LMLN: variants seen among roughly 807,000 people sequenced by gnomAD.
The protein encoded by LMLN is leishmanolysin like peptidase, also known as leishmanolysin-like peptidase.
A neutral mutation model predicts 92.3 loss-of-function variants in LMLN; 70 were observed. The observed-to-expected ratio is 0.76, with a 90% CI of 0.63 to 0.92. LMLN has a LOEUF of 0.92. LMLN is among the 40% of genes least tolerant of loss of function. The probability of loss-of-function intolerance (pLI) is 0.00; values close to 1 mark genes in which losing one functional copy is unlikely to be tolerated. For synonymous variants in LMLN, 308 were observed against 296.2 expected (o/e 1.04, Z -0.41); for missense variants, 691 against 814.6 (o/e 0.85, Z 1.85).
At chr3:198,032,046 G>C (rs1238901358) in intron 14 of LMLN, among the ~76,000 whole-genome samples, 2 of 150,586 alleles carry the variant, frequency 1.3e-5, no homozygotes, top group Non-Finnish European at 2.9e-5. Context: ...AGGTTGCAGT[G>C]AGCTGAGATG....
intron 1 of LMLN, among the ~76,000 whole-genome samples, chr3:197,973,297 A>C (rs1409995058): frequency 6.7e-6 from 1 of 149,936 alleles, no homozygotes; most frequent in Non-Finnish European, 1.5e-5. Context: ...GCTGGAGTGC[A>C]GTGACAAAAT....
At position 198,019,259 on chromosome 3, in the gene LMLN, G is replaced by A; in HGVS notation, c.1239G>A (p.Gln413=). 1 of 1,611,954 alleles carries A rather than the reference G, an allele frequency of 6.2e-7. No homozygotes were observed. The highest frequency in any genetic ancestry group is 1.7e-5 in the Admixed American group (1 of 59,220). The change falls in exon 12 of 16, where the codon CAG becomes CAA. Residue 413 remains glutamine (Q), a synonymous_variant. Coordinates refer to ENST00000330198, the Ensembl canonical transcript of LMLN. This position sits in a 1 kb window ranked among gnomAD's most constrained non-coding sequence, Gnocchi z 5.5. The stretch of plus-strand genomic sequence containing the variant: ...TACTTCTCTTTGTTTGCAGGAGACA[G>A]ATGCTGAGCCCTTACTGTGACACGC...
intron 11 of LMLN, among the ~76,000 whole-genome samples, chr3:198,001,009 T>C (rs1722157798): frequency 6.6e-6 from 1 of 152,230 alleles, no homozygotes; most frequent in Non-Finnish European, 1.5e-5. Context: ...TCACTAATAC[T>C]CAGAAACTCT....
At chr3:198,010,991 G>C (rs1464399127) in intron 11 of LMLN, among the ~76,000 whole-genome samples, 3 of 151,934 alleles carry the variant, frequency 2.0e-5, no homozygotes, top group Non-Finnish European at 4.4e-5. Flanking sequence ...ACAAATATTT[G>C]GAAATTTTTC....
At chr3:197,975,345 G>A (rs1418757187) in intron 3 of LMLN, among the ~76,000 whole-genome samples, 1 of 150,758 alleles carries the variant, frequency 6.6e-6, no homozygotes, top group African/African-American at 2.5e-5. Context: ...AGCAAATCAT[G>A]CAGAGAATAG....
chr3:197,994,481 A>G (rs1721963223), intron 9 of LMLN: 1 of 152,232 alleles, frequency 6.6e-6, no homozygotes, highest in African/African-American at 2.4e-5. Flanking sequence ...AAGACATGCA[A>G]ATTGTGAACA....
At chr3:197,989,263 T>G (rs1721800282) in intron 8 of LMLN, among the ~76,000 whole-genome samples, 1 of 152,192 alleles carries the variant, frequency 6.6e-6, no homozygotes, top group Admixed American at 6.5e-5. Flanking sequence ...AAATGCTTTC[T>G]GCATTGCTAT....
At chr3:197,982,900 C>T (rs1286515792) in intron 6 of LMLN, among the ~76,000 whole-genome samples, 1 of 152,176 alleles carries the variant, frequency 6.6e-6, no homozygotes, top group South Asian at 2.1e-4. Flanking sequence ...CTTGTGAAGG[C>T]AGAAGCCATG....
chr3:197,981,269 G>C (rs1721550621), intron 6 of LMLN, among the ~76,000 whole-genome samples: 1 of 152,052 alleles, frequency 6.6e-6, no homozygotes, highest in Non-Finnish European at 1.5e-5. Flanking sequence ...CTGCTCAGGA[G>C]GCTGAGGTGG....
intron 3 of LMLN, 41 bp downstream of exon 3, chr3:197,975,113 A>G (rs1721333092): frequency 1.8e-6 from 2 of 1,095,548 alleles, no homozygotes; most frequent in Admixed American, 2.1e-5. Flanking sequence ...GACACTTAAA[A>G]TTTTATTGCA....
chr3:197,989,442 C>CT (rs1334739439), intron 8 of LMLN, among the ~76,000 whole-genome samples: 1 of 151,926 alleles, frequency 6.6e-6, no homozygotes, highest in Non-Finnish European at 1.5e-5. Context: ...GGGATTTAAC[C>CT]TTTTTTTTCT....
chr3:197,973,174 G>C (rs992607863), intron 1 of LMLN, among the ~76,000 whole-genome samples: 9 of 151,982 alleles, frequency 5.9e-5, no homozygotes, highest in African/African-American at 2.2e-4. Flanking sequence ...TGTGTTATCT[G>C]TGGGGAGGTT....
chr3:197,976,781 G>T (rs1337369658), intron 5 of LMLN, 66 bp downstream of exon 5: 1 of 762,272 alleles, frequency 1.3e-6, no homozygotes, highest in Non-Finnish European at 2.0e-6. Context: ...GAGTGTCACA[G>T]AATTTTTACA....
At chr3:197,976,940 T>G (rs1398220590) in intron 5 of LMLN, among the ~76,000 whole-genome samples, 2 of 152,234 alleles carry the variant, frequency 1.3e-5, no homozygotes, top group Non-Finnish European at 2.9e-5. Flanking sequence ...CCTGTTTATC[T>G]TGGTCTGCTG....
chr3:198,026,689 C>T (rs1316980283), intron 14 of LMLN, among the ~76,000 whole-genome samples: 1 of 152,176 alleles, frequency 6.6e-6, no homozygotes, highest in African/African-American at 2.4e-5. Flanking sequence ...ACCGTTTCTC[C>T]AGAGGCCCCT....
At chr3:197,983,829 C>T in intron 6 of LMLN, 114 bp from the exon 7 acceptor site, 1 of 632,150 alleles carries the variant, frequency 1.6e-6, no homozygotes, top group Non-Finnish European at 2.8e-6. Context: ...TACAAAATTG[C>T]ATTGGATACT....
chr3:197,963,740 T>C (rs1046494512), intron 1 of LMLN, among the ~76,000 whole-genome samples: 1 of 152,192 alleles, frequency 6.6e-6, no homozygotes, highest in African/African-American at 2.4e-5. Context: ...ATAGGAACAA[T>C]TTTTGTTGTT....
chr3:197,973,436 G>T (rs1721285879), intron 1 of LMLN, among the ~76,000 whole-genome samples: 1 of 152,020 alleles, frequency 6.6e-6, no homozygotes, highest in African/African-American at 2.4e-5. Context: ...TAGAGATGGG[G>T]TTTCACCATG....
Position 197,960,244 on chromosome 3 carries a change from A to T in LMLN, c.23A>T (p.Lys8Met). 6.2e-7 allele frequency: 1 copy of T among 1,610,990 alleles called. No homozygotes were observed. The highest frequency in any genetic ancestry group is 1.1e-5 in the South Asian group (1 of 90,996). Reference sequence around the variant, plus strand: ...TCCATGGTAACGACGCTCGGCCCGAAGATGGCGGCCGAATGGGGCGGAGGA... The same window carrying T: ...TCCATGGTAACGACGCTCGGCCCGATGATGGCGGCCGAATGGGGCGGAGGA... The change falls in exon 1 of 16, where the codon AAG (lysine) becomes ATG (methionine). Residue 8 changes from lysine to methionine, a missense_variant. Lys to Met is a moderately conservative substitution (Grantham distance 95). The change creates a new upstream start codon in the 5' untranslated region. Coordinates refer to ENST00000330198, the Ensembl canonical transcript of LMLN.
Sources: allele counts gnomAD v4.1 joint callset (sites outside exome capture counted in the v4.1 genomes callset), GRCh38; gene constraint gnomAD v4.1.1; non-coding constraint Gnocchi (gnomAD v3.1); transcripts MANE v1.5; gene names NCBI Gene and HGNC (gene_info 2026-07-23, HGNC 2026-07-21).